WDFY3: variants seen among roughly 807,000 people sequenced by gnomAD.
WDFY3 encodes the protein WD repeat and FYVE domain containing 3.
WDFY3 carries 66 observed loss-of-function variants against 409.6 expected under a neutral mutation model. The observed-to-expected ratio is 0.16, with a 90% CI of 0.13 to 0.20. WDFY3 has a LOEUF of 0.20. WDFY3 is among the 10% of genes least tolerant of loss of function. The pLI, the probability that WDFY3 is intolerant of heterozygous loss-of-function variation, is 1.00. For missense variants in WDFY3, 3,031 were observed against 4,298.1 expected (o/e 0.71, Z 8.24); for synonymous variants, 1,521 against 1,537.1 (o/e 0.99, Z 0.25).
At chr4:84,841,815 G>A (rs1253231633) in intron 5 of WDFY3, among the ~76,000 whole-genome samples, 2 of 152,196 alleles carry the variant, frequency 1.3e-5, no homozygotes, top group East Asian at 3.9e-4. Flanking sequence ...GCAAGAGGGA[G>A]CAAATGCAGT....
At chr4:84,769,899 A>ACCACCACCCTGGTCAATCAGCAG (rs1744354759) in intron 30 of WDFY3, among the ~76,000 whole-genome samples, 1 of 152,116 alleles carries the variant, frequency 6.6e-6, no homozygotes, top group Non-Finnish European at 1.5e-5. Context: ...ACCTTCAGCA[A>ACCACCACCCTGGTCAATCAGCAG]CCACCACCCT....
chr4:84,771,271 G>C (rs1465598203), intron 30 of WDFY3, among the ~76,000 whole-genome samples: 1 of 152,094 alleles, frequency 6.6e-6, no homozygotes, highest in East Asian at 1.9e-4. Flanking sequence ...CTGAGTAGCT[G>C]GGTCTATAGG....
At position 84,860,529 on chromosome 4, in the gene WDFY3, G is replaced by A. The variant is rs371936183; in HGVS notation, c.63C>T (p.Asn21=). ...GGCGGAGGTGCATCAGTCCTAAGGC[G>A]TTGTCTTGTGGGCTGCACTCCTCCT... The part of the protein sequence containing the change: ...PRQEECSPQD[N]ALGLMHLRRL... Residue 21 remains asparagine, a synonymous_variant, in exon 4 of 68, where the codon AAC becomes AAT. Transcript: ENST00000295888. 1.2e-4 allele frequency: 199 copies of A among 1,613,484 alleles called. No individual in the cohort carries two copies. Among genetic ancestry groups the A allele is most frequent in the Middle Eastern group, 3.3e-4 (2 of 6,054 alleles).
At chr4:84,690,036 C>T (rs980219506) in intron 61 of WDFY3, among the ~76,000 whole-genome samples, 3 of 151,930 alleles carry the variant, frequency 2.0e-5, no homozygotes, top group South Asian at 2.1e-4. Flanking sequence ...CAGAAATACT[C>T]GTTAATTAAA....
In WDFY3 at chr4:84,808,324, T is replaced by C. The variant is rs1004010871; in HGVS notation, c.2429+10A>G. 1.9e-6 allele frequency: 3 copies of C among 1,609,452 alleles called. No homozygotes were observed. The highest frequency in any genetic ancestry group is 1.1e-5 in the South Asian group (1 of 90,706). On this transcript the variant is annotated intron_variant, in intron 15 of 67. Coordinates refer to ENST00000295888, the MANE Select transcript of WDFY3 (RefSeq NM_014991.6). ...CAAATAGAGACTGACTTCTCTTATA[T>C]GATCAGTACCTTTTCCTGGACAAAG...
chr4:84,924,803 A>G (rs1170693389), intron 2 of WDFY3, among the ~76,000 whole-genome samples: 1 of 152,160 alleles, frequency 6.6e-6, no homozygotes, highest in East Asian at 1.9e-4. Context: ...TCTGCTTCTA[A>G]AACTTTTCCT....
chr4:84,691,635 T>C lies in WDFY3; in HGVS notation c.9200A>G (p.Asp3067Gly), dbSNP rs1231164924. Residue 3067 changes from aspartate to glycine, a missense_variant, in exon 60 of 68, where the codon GAC becomes GGC. Asp to Gly is a moderately conservative substitution (Grantham distance 94). Coordinates refer to ENST00000295888, the MANE Select transcript of WDFY3 (RefSeq NM_014991.6). Reference protein sequence around the residue: ...LSCRLGTYESDKAMTVYECLS... With the variant: ...LSCRLGTYESGKAMTVYECLS... ...TAGGCAGGAAATAATGCAAACCTTGTCTGACTCATAGGTTCCCAGTCTGCA... is the reference window on the plus strand; with the variant it reads ...TAGGCAGGAAATAATGCAAACCTTGCCTGACTCATAGGTTCCCAGTCTGCA... The C allele has an allele frequency of 6.2e-7, 1 of 1,613,510 alleles. No homozygotes were observed. The highest frequency in any genetic ancestry group is 8.5e-7 in the Non-Finnish European group (1 of 1,179,714).
At chr4:84,881,299 G>C (rs1451867011) in intron 3 of WDFY3, among the ~76,000 whole-genome samples, 1 of 151,834 alleles carries the variant, frequency 6.6e-6, no homozygotes, top group Non-Finnish European at 1.5e-5. Context: ...ATCTCCCTGT[G>C]AATTATTTTC....
intron 32 of WDFY3, among the ~76,000 whole-genome samples, chr4:84,757,852 G>GT (rs1741721110): frequency 6.6e-6 from 1 of 152,172 alleles, no homozygotes; most frequent in Non-Finnish European, 1.5e-5. Flanking sequence ...GACTAAATGA[G>GT]TAAGTAAAAC....
At chr4:84,936,323 C>A (rs760114546) in intron 1 of WDFY3, among the ~76,000 whole-genome samples, 1 of 152,012 alleles carries the variant, frequency 6.6e-6, no homozygotes, top group Non-Finnish European at 1.5e-5. Flanking sequence ...CAGTTTGATA[C>A]CACACTGGGC....
intron 32 of WDFY3, among the ~76,000 whole-genome samples, chr4:84,760,740 T>C (rs1329448509): frequency 6.7e-6 from 1 of 149,024 alleles, no homozygotes; most frequent in African/African-American, 2.5e-5. Flanking sequence ...ATTTTGTTGA[T>C]CCTTTCAAAA....
intron 58 of WDFY3, among the ~76,000 whole-genome samples, chr4:84,694,879 C>A (rs188995645): frequency 6.6e-6 from 1 of 152,290 alleles, no homozygotes; most frequent in East Asian, 1.9e-4. Context: ...GTCCTGCTAT[C>A]TATCATGGCT....
chr4:84,924,767 A>G (rs1011992064), intron 2 of WDFY3, among the ~76,000 whole-genome samples: 1 of 152,188 alleles, frequency 6.6e-6, no homozygotes, highest in Non-Finnish European at 1.5e-5. Flanking sequence ...AGTATGTGGT[A>G]TGAACATCAT....
intron 36 of WDFY3, among the ~76,000 whole-genome samples, chr4:84,747,223 G>C (rs1739617447): frequency 6.6e-6 from 1 of 152,178 alleles, no homozygotes; most frequent in African/African-American, 2.4e-5. Flanking sequence ...CCCACACACA[G>C]GCCAGACAGC....
intron 2 of WDFY3, among the ~76,000 whole-genome samples, chr4:84,919,140 C>T (rs1768922204): frequency 6.6e-6 from 1 of 151,994 alleles, no homozygotes; most frequent in Non-Finnish European, 1.5e-5. Context: ...GAAGATGCCA[C>T]TGGTGAGGAC....
At chr4:84,693,080 T>G (rs757859791) in intron 58 of WDFY3, 48 bp from the exon 59 acceptor site, 3 of 1,565,298 alleles carry the variant, frequency 1.9e-6, no homozygotes, top group Admixed American at 3.8e-5. Flanking sequence ...ATAACACTTA[T>G]AAGCCCTTTT....
At chr4:84,827,651 T>C (rs1159643062) in intron 9 of WDFY3, among the ~76,000 whole-genome samples, 2 of 152,224 alleles carry the variant, frequency 1.3e-5, no homozygotes, top group Non-Finnish European at 2.9e-5. Flanking sequence ...TCTTAATATC[T>C]TGCCAACCTA....
chr4:84,861,714 T>C (rs1229832657), intron 3 of WDFY3, among the ~76,000 whole-genome samples: 13 of 152,210 alleles, frequency 8.5e-5, no homozygotes, highest in Admixed American at 8.5e-4. Flanking sequence ...TGAATCATAA[T>C]GCAAAATGTA....
chr4:84,869,583 AACAAT>A (rs1395582845), intron 3 of WDFY3, among the ~76,000 whole-genome samples: 13 of 152,248 alleles, frequency 8.5e-5, no homozygotes, highest in African/African-American at 3.1e-4. Context: ...CATGTAAAGA[AACAAT>A]ACAATATTAG....
Sources: allele counts gnomAD v4.1 joint callset (sites outside exome capture counted in the v4.1 genomes callset), GRCh38; gene constraint gnomAD v4.1.1; transcripts MANE v1.5; gene names NCBI Gene and HGNC (gene_info 2026-07-23, HGNC 2026-07-21).